The following SH3PXD2B variants were observed in gnomAD, a reference collection of about 807,000 sequenced individuals.
SH3PXD2B encodes SH3 and PX domain-containing protein 2B.
SH3PXD2B carries 37 observed loss-of-function variants against 73.1 expected under a neutral mutation model. The observed-to-expected ratio is 0.51, with a 90% CI of 0.39 to 0.67. The LOEUF (loss-of-function observed/expected upper bound fraction) is 0.67. Among genes scored for constraint, SH3PXD2B ranks in the 30% least tolerant of loss-of-function variants. The pLI is 0.00. For synonymous variants in SH3PXD2B, 457 were observed against 480.5 expected (o/e 0.95, Z 0.64); for missense variants, 1,053 against 1,197.8 (o/e 0.88, Z 1.78).
intron 1 of SH3PXD2B, among the ~76,000 whole-genome samples, chr5:172,444,345 C>T (rs556791210): frequency 6.6e-6 from 1 of 152,266 alleles, no homozygotes; most frequent in East Asian, 1.9e-4. Context: ...GAGCTTTCCC[C>T]CTGATTCTGA....
At chr5:172,415,695 C>T (rs1287543495) in intron 2 of SH3PXD2B, among the ~76,000 whole-genome samples, 1 of 152,202 alleles carries the variant, frequency 6.6e-6, no homozygotes, top group Non-Finnish European at 1.5e-5. Context: ...CTAGGCACTA[C>T]CCTCAGCTCT....
intron 1 of SH3PXD2B, among the ~76,000 whole-genome samples, chr5:172,435,401 C>T (rs1184483082): frequency 2.0e-5 from 3 of 151,474 alleles, no homozygotes; most frequent in Non-Finnish European, 4.4e-5. Context: ...GAATTCCTTG[C>T]CATTCTCACT....
At chr5:172,368,891 AAT>A (rs1554137107) in intron 6 of SH3PXD2B, among the ~76,000 whole-genome samples, 272 of 133,170 alleles carry the variant, frequency 2.0e-3, no homozygotes, top group African/African-American at 7.2e-3. Flanking sequence ...TATAAAAAAA[AAT>A]ATATATATAT....
At chr5:172,354,307 C>T (rs1255528787) in intron 8 of SH3PXD2B, among the ~76,000 whole-genome samples, 4 of 152,204 alleles carry the variant, frequency 2.6e-5, no homozygotes, top group African/African-American at 9.6e-5. Context: ...GCATGGCATT[C>T]TCATGCCCCT....
intron 1 of SH3PXD2B, among the ~76,000 whole-genome samples, chr5:172,438,939 TA>T (rs201933616): frequency 0.046 from 6,533 of 142,506 alleles, 358 homozygotes; most frequent in African/African-American, 0.14. Context: ...TTAATGTCAT[TA>T]AAAAAAAAAA....
intron 6 of SH3PXD2B, among the ~76,000 whole-genome samples, chr5:172,371,897 T>C (rs1199635139): frequency 2.0e-5 from 3 of 152,198 alleles, no homozygotes; most frequent in African/African-American, 4.8e-5. Flanking sequence ...CTGAGAAACA[T>C]ATAATTATCC....
At chr5:172,438,772 A>G (rs1759451223) in intron 1 of SH3PXD2B, among the ~76,000 whole-genome samples, 1 of 152,218 alleles carries the variant, frequency 6.6e-6, no homozygotes, top group South Asian at 2.1e-4. Context: ...AGCTGAGGGA[A>G]TTCTTTGAGG....
At chr5:172,331,795 TA>T (rs201504289), downstream of SH3PXD2B, among the ~76,000 whole-genome samples, 1,387 of 151,986 alleles carry the variant, frequency 9.1e-3, 17 homozygotes, top group African/African-American at 0.031. Flanking sequence ...CCATAAAAAA[TA>T]CAAAAGTTAG....
At chr5:172,344,723 C>T (rs1269770269) in intron 12 of SH3PXD2B, among the ~76,000 whole-genome samples, 2 of 151,986 alleles carry the variant, frequency 1.3e-5, no homozygotes, top group African/African-American at 2.4e-5. Flanking sequence ...ATCCCTTTAG[C>T]CCTTCACTCA....
In SH3PXD2B at chr5:172,454,399, C is replaced by T; in HGVS notation, c.-47G>A. ...GGGCCGAGCGCGGGTGCGGGTGGCG[C>T]GGGGTGCAGGGAGCGCTGGGGGCGC... On this transcript the variant is annotated 5_prime_UTR_variant, in exon 1 of 13. Coordinates refer to ENST00000311601, the MANE Select transcript of SH3PXD2B (RefSeq NM_001017995.3). 2 of 1,283,952 alleles carry T rather than the reference C, an allele frequency of 1.6e-6. No homozygotes were observed. The highest frequency in any genetic ancestry group is 2.0e-6 in the Non-Finnish European group (2 of 1,007,966). The allele number at this position is 1,283,952 out of a possible 1,614,324, so 79.5% of individuals were successfully genotyped here. A position where few individuals can be genotyped will look rare whatever the true frequency, so the allele number is the denominator to read the frequency against.
chr5:172,431,260 T>G (rs1759232811), intron 1 of SH3PXD2B, among the ~76,000 whole-genome samples: 2 of 152,244 alleles, frequency 1.3e-5, no homozygotes, highest in South Asian at 4.1e-4. Context: ...AGGTTCTTTC[T>G]TTCTCAGAAA....
At chr5:172,450,629 T>C (rs1435732181) in intron 1 of SH3PXD2B, among the ~76,000 whole-genome samples, 1 of 152,066 alleles carries the variant, frequency 6.6e-6, no homozygotes, top group Non-Finnish European at 1.5e-5. Flanking sequence ...TTAAAGATCT[T>C]GAGACAGAGC....
intron 8 of SH3PXD2B, among the ~76,000 whole-genome samples, chr5:172,357,586 G>C (rs1448544878): frequency 6.6e-6 from 1 of 152,144 alleles, no homozygotes; most frequent in Non-Finnish European, 1.5e-5. Flanking sequence ...ACAGCAATGA[G>C]TGCCTGACAG....
chr5:172,425,373 C>T (rs1759070935), intron 1 of SH3PXD2B, among the ~76,000 whole-genome samples: 1 of 152,074 alleles, frequency 6.6e-6, no homozygotes, highest in South Asian at 2.1e-4. Context: ...TGGGCAGGAC[C>T]CCGAAGTCTG....
intron 1 of SH3PXD2B, among the ~76,000 whole-genome samples, chr5:172,453,566 A>G (rs1005722978): frequency 3.9e-5 from 6 of 152,196 alleles, no homozygotes; most frequent in African/African-American, 1.4e-4. Flanking sequence ...TCTGAGCCTC[A>G]GCCTTCCTAT....
At chr5:172,437,485 T>G (rs1759421795) in intron 1 of SH3PXD2B, among the ~76,000 whole-genome samples, 2 of 151,958 alleles carry the variant, frequency 1.3e-5, no homozygotes, top group Admixed American at 1.3e-4. Context: ...GGCTGGGAAG[T>G]GGGTGACATG....
At chr5:172,399,221 A>C (rs1758375251) in intron 3 of SH3PXD2B, among the ~76,000 whole-genome samples, 1 of 152,234 alleles carries the variant, frequency 6.6e-6, no homozygotes, top group South Asian at 2.1e-4. Context: ...TATAAAAATG[A>C]CATCTTGGGT....
At position 172,336,491 on chromosome 5, in the gene SH3PXD2B, CA is replaced by C; in HGVS notation, c.*1877del. On this transcript the variant is annotated 3_prime_UTR_variant, in exon 13 of 13. Coordinates refer to ENST00000311601, the MANE Select transcript of SH3PXD2B (RefSeq NM_001017995.3). ...AGGCACTAAAGATGCTACAGGTGAT[CA>C]GAGGAAGCTCCTCACGCAGAAGCAG... is the stretch of plus-strand genomic sequence containing the variant. 1.0e-6 allele frequency: 1 copy of C among 985,710 alleles called. No individual in the cohort carries two copies. The highest frequency in any genetic ancestry group is 1.2e-6 in the Non-Finnish European group (1 of 829,986). The allele number at this position is 985,710 out of a possible 1,614,324, so 61.1% of individuals were successfully genotyped here. A position where few individuals can be genotyped will look rare whatever the true frequency, so the allele number is the denominator to read the frequency against.
At position 172,394,654 on chromosome 5, in the gene SH3PXD2B, A is replaced by G. The variant is rs1255105778; in HGVS notation, c.233-15T>C. On this transcript the variant is annotated splice_polypyrimidine_tract_variant and intron_variant, in intron 3 of 12. Coordinates refer to ENST00000311601, the MANE Select transcript of SH3PXD2B (RefSeq NM_001017995.3). ...GAGAATCTTACCTGCAGAAGATGAG[A>G]GCAAAGACAGTGTTGTCAGGGAACA... The G allele has an allele frequency of 1.9e-6, 3 of 1,613,438 alleles. No individual in the cohort carries two copies. The Admixed American group carries it at 5.0e-5, about 27-fold the overall frequency.
Sources: gnomAD v4.1 joint callset for allele counts (sites outside exome capture counted in the v4.1 genomes callset) on GRCh38, gnomAD v4.1.1 for gene constraint, MANE v1.5 for transcripts, NCBI Gene and HGNC (gene_info 2026-07-23, HGNC 2026-07-21) for gene names.